Variants in PIGN observed in about 807,000 individuals in gnomAD.
The protein encoded by PIGN is phosphatidylinositol glycan anchor biosynthesis class N.
Under a neutral mutation model 125.4 loss-of-function variants are expected in PIGN, and 117 were observed. The ratio of observed to expected loss-of-function variants is 0.93; its 90% CI spans 0.80 to 1.09. The LOEUF is 1.09. Ranked by LOEUF, PIGN falls within the 50% of genes least tolerant of loss-of-function variation. The pLI is 0.00. For missense variants in PIGN, 1,075 were observed against 1,094.9 expected (o/e 0.98, Z 0.26); for synonymous variants, 392 against 377.8 (o/e 1.04, Z -0.44).
chr18:62,049,535 C>T (rs1023519443), intron 30 of PIGN, among the ~76,000 whole-genome samples: 119 of 151,844 alleles, frequency 7.8e-4, no homozygotes, highest in South Asian at 1.5e-3. Context: ...CCTTCGCCCA[C>T]TTTTTGATGG....
At chr18:62,092,641 T>C (rs986988291) in intron 23 of PIGN, among the ~76,000 whole-genome samples, 3 of 152,054 alleles carry the variant, frequency 2.0e-5, no homozygotes, top group Non-Finnish European at 4.4e-5. Context: ...GAACATGTAC[T>C]GTGATTAATT....
At chr18:62,162,619 C>G (rs1506328) in intron 2 of PIGN, 8 of 152,118 alleles carry the variant, frequency 5.3e-5, no homozygotes, top group Non-Finnish European at 1.2e-4. Flanking sequence ...CACTTATTTT[C>G]TGAGAACCAA....
intron 7 of PIGN, among the ~76,000 whole-genome samples, chr18:62,149,058 A>G (rs9959469): frequency 0.53 from 80,852 of 152,080 alleles, 23,470 homozygotes; most frequent in East Asian, 0.72. Context: ...CTTTTAAATT[A>G]TTTTAAATAA....
In PIGN at chr18:62,071,644, T is replaced by C. The variant is rs1046845456; in HGVS notation, c.2672+1029A>G. ...TGGTCCCATAAGATGATAACAGACC[T>C]AGTGATAGCGCAGTGTCTTTGCAGC... On this transcript the variant is annotated intron_variant, in intron 30 of 30. Coordinates refer to ENST00000640252, the MANE Select transcript of PIGN (RefSeq NM_176787.5). 2.6e-5 allele frequency among the ~76,000 whole-genome samples: 4 copies of C among 151,980 alleles called. No individual in the cohort carries two copies. In the South Asian group the frequency reaches 6.2e-4, roughly 24 times the overall value.
chr18:62,129,009 A>G (rs1313472620), intron 14 of PIGN, among the ~76,000 whole-genome samples: 1 of 152,108 alleles, frequency 6.6e-6, no homozygotes, highest in Non-Finnish European at 1.5e-5. Context: ...TGCAAAGCCA[A>G]TATTGGAAAG....
At position 62,168,184 on chromosome 18, in the gene PIGN, CA is replaced by C. The variant is rs544274448; in HGVS notation, c.-235-4529del. On this transcript the variant is annotated intron_variant, in intron 1 of 30. Coordinates refer to ENST00000640252, the MANE Select transcript of PIGN (RefSeq NM_176787.5). Reference sequence around the variant, plus strand: ...GGACAACAAAAGTGAAACTCTGTCTCAAAAAAAAAAAAATTCTGATTAAGTT... The same window carrying C: ...GGACAACAAAAGTGAAACTCTGTCTCAAAAAAAAAAAATTCTGATTAAGTT... Among the ~76,000 whole-genome samples the C allele has an allele frequency of 5.6e-3, 785 of 140,904 alleles. 8 individuals carry two copies. The highest frequency in any genetic ancestry group is 0.018 in the African/African-American group (680 of 38,432). 92.4% of individuals were successfully genotyped at this position (140,904 alleles called of 152,430 possible). A position where few individuals can be genotyped will look rare whatever the true frequency, so the allele number is the denominator to read the frequency against.
At chr18:62,164,682 CA>C (rs1422345557) in intron 1 of PIGN, among the ~76,000 whole-genome samples, 2 of 152,090 alleles carry the variant, frequency 1.3e-5, no homozygotes, top group Non-Finnish European at 2.9e-5. Context: ...GACGCAGAGC[CA>C]AACCATATCA....
rs12608212 is a variant in PIGN, at chr18:62,140,402, T to C, written c.1023+18A>G. Reference sequence around the variant, plus strand: ...TTTTTTTTATACTGAGAGTTGATAATAAAATTTTATTCCTTACCACTGAGT... The same window carrying C: ...TTTTTTTTATACTGAGAGTTGATAACAAAATTTTATTCCTTACCACTGAGT... On this transcript the variant is annotated intron_variant, in intron 12 of 30. Transcript: ENST00000640252. 412,121 of 1,207,080 alleles carry C rather than the reference T, an allele frequency of 0.34. 74,227 individuals carry two copies. The highest frequency in any genetic ancestry group is 0.54 in the East Asian group (21,948 of 40,556). 74.8% of individuals were successfully genotyped at this position (1,207,080 alleles called of 1,614,324 possible). A position where few individuals can be genotyped will look rare whatever the true frequency, so the allele number is the denominator to read the frequency against.
chr18:62,159,468 T>C (rs1453744504), intron 4 of PIGN, among the ~76,000 whole-genome samples: 1 of 152,230 alleles, frequency 6.6e-6, no homozygotes, highest in Non-Finnish European at 1.5e-5. Context: ...TGAAGTATAT[T>C]TCTCTCTTTC....
At chr18:62,120,602 A>G (rs1164129784) in intron 14 of PIGN, among the ~76,000 whole-genome samples, 5 of 152,106 alleles carry the variant, frequency 3.3e-5, no homozygotes, top group Non-Finnish European at 5.9e-5. Flanking sequence ...AAGGTATGAA[A>G]GTTATTTAAA....
chr18:62,178,277 T>C (rs74803525), intron 1 of PIGN, among the ~76,000 whole-genome samples: 13,012 of 151,962 alleles, frequency 0.086, 672 homozygotes, highest in South Asian at 0.19. Flanking sequence ...TTATGCAGTC[T>C]CCTGGTTGCT....
At chr18:62,169,755 G>C (rs1402324521) in intron 1 of PIGN, among the ~76,000 whole-genome samples, 1 of 152,004 alleles carries the variant, frequency 6.6e-6, no homozygotes, top group East Asian at 1.9e-4. Context: ...TGAGCAGCTG[G>C]GACCACAGGT....
Position 62,101,161 on chromosome 18 carries a change from A to C in PIGN, c.1991T>G (p.Met664Arg), listed in dbSNP as rs776488664. The stretch of plus-strand genomic sequence containing the variant: ...ACTCTGAGTGCTATACACAACATAC[A>C]TGGAGAGCACTGTGCTCAGCACCTA... ...LLQVLSTVLS[M>R]YVVYSTQSSL... The change falls in exon 22 of 31, where the codon ATG becomes AGG. Residue 664 changes from methionine to arginine, a missense_variant. Met to Arg is a moderately conservative substitution (Grantham distance 91, BLOSUM62 -1). Around this residue, in one of 3 missense-constraint regions of PIGN, gnomAD observed 915 missense variants for 908.7 expected, o/e 1.01. Transcript: ENST00000640252. 6.2e-7 allele frequency: 1 copy of C among 1,603,282 alleles called. No individual in the cohort carries two copies. Among genetic ancestry groups the C allele is most frequent in the Non-Finnish European group, 8.5e-7 (1 of 1,171,110 alleles).
chr18:62,018,358 C>T (rs1208007552), intron 23 of PIGN, among the ~76,000 whole-genome samples: 6 of 152,204 alleles, frequency 3.9e-5, no homozygotes, highest in East Asian at 3.8e-4. Flanking sequence ...TTCAGTGGAA[C>T]GATTCCGTTT....
At chr18:62,109,688 T>C in intron 17 of PIGN, 146 bp downstream of exon 17, 1 of 574,538 alleles carries the variant, frequency 1.7e-6, no homozygotes, top group Admixed American at 3.0e-5. Context: ...TATGCAGTTA[T>C]AAATGAAGTG....
At chr18:62,088,956 C>CA (rs1485904981) in intron 24 of PIGN, 114 bp from the exon 25 acceptor site, 12 of 619,784 alleles carry the variant, frequency 1.9e-5, no homozygotes, top group African/African-American at 5.6e-5. Flanking sequence ...CCTGTGCTGA[C>CA]AAAAAAATAA....
chr18:62,034,868 G>C (rs1362482792), intron 23 of PIGN, among the ~76,000 whole-genome samples: 1 of 152,156 alleles, frequency 6.6e-6, no homozygotes, highest in Non-Finnish European at 1.5e-5. Context: ...GGGACTGTTG[G>C]GATGGCATGA....
At chr18:62,146,247 AC>A (rs1195495072) in intron 9 of PIGN, among the ~76,000 whole-genome samples, 1 of 152,220 alleles carries the variant, frequency 6.6e-6, no homozygotes, top group Non-Finnish European at 1.5e-5. Context: ...AAAACAAAAA[AC>A]CAGACTGCCT....
chr18:62,149,232 G>A (rs2036444282), intron 7 of PIGN, among the ~76,000 whole-genome samples: 2 of 151,546 alleles, frequency 1.3e-5, no homozygotes, highest in Admixed American at 6.6e-5. Flanking sequence ...AAACACAAAT[G>A]GTGCAATTAG....
Sources: gnomAD v4.1 joint callset for allele counts (sites outside exome capture counted in the v4.1 genomes callset) on GRCh38, gnomAD v4.1.1 for gene constraint, gnomAD v4.1.1 regional missense constraint, MANE v1.5 for transcripts, NCBI Gene and HGNC (gene_info 2026-07-23, HGNC 2026-07-21) for gene names.